EXOC4: variants seen among roughly 807,000 people sequenced by gnomAD.
The protein encoded by EXOC4 is SEC8-like 1.
EXOC4 carries 71 observed loss-of-function variants against 107.2 expected under a neutral mutation model. That is an observed-to-expected ratio of 0.66 (90% confidence interval 0.55 to 0.81). The LOEUF (loss-of-function observed/expected upper bound fraction) is 0.81, where lower values mean the gene tolerates loss of function less well. EXOC4 is among the 30% of genes least tolerant of loss of function. The pLI, the probability that EXOC4 is intolerant of heterozygous loss-of-function variation, is 0.00. For missense variants in EXOC4, 1,108 were observed against 1,189.6 expected, an observed-to-expected ratio of 0.93 and a Z score of 1.01; for synonymous variants, 456 against 441.2, an observed-to-expected ratio of 1.03 and a Z score of -0.42.
At chr7:133,637,975 G>T (rs993200579) in intron 10 of EXOC4, among the ~76,000 whole-genome samples, 1 of 152,036 alleles carries the variant, frequency 6.6e-6, no homozygotes, top group African/African-American at 2.4e-5. Context: ...AAGAGGTGAG[G>T]CATCCCAATC....
intron 1 of EXOC4, among the ~76,000 whole-genome samples, chr7:133,267,293 C>T (rs1200361690): frequency 6.6e-6 from 1 of 152,164 alleles, no homozygotes; most frequent in Non-Finnish European, 1.5e-5. Context: ...AAAGTTGGGC[C>T]TGGTCTGGCT....
chr7:133,755,289 C>CATATTATATATATTATATAT (rs1263941078), intron 10 of EXOC4, among the ~76,000 whole-genome samples: 2 of 91,874 alleles, frequency 2.2e-5, no homozygotes, highest in Non-Finnish European at 4.2e-5. Flanking sequence ...ATATTATATA[C>CATATTATATATATTATATAT]ATATTATATA....
At chr7:133,968,193 G>A (rs1014981044) in intron 14 of EXOC4, among the ~76,000 whole-genome samples, 2 of 151,898 alleles carry the variant, frequency 1.3e-5, no homozygotes, top group Non-Finnish European at 2.9e-5. Flanking sequence ...CCATTTGCTT[G>A]GTAAATATTC....
chr7:133,610,583 C>T lies in EXOC4; in HGVS notation c.1418-19462C>T, dbSNP rs528126027. 3.3e-5 allele frequency among the ~76,000 whole-genome samples: 5 copies of T among 152,054 alleles called. No individual in the cohort carries two copies. The East Asian group carries it at 9.7e-4, about 29-fold the overall frequency. ...ATACTAATCATATTCCTCCCCACAC[C>T]TCCATTTCTCTCACCTAAACATTCC... On this transcript the variant is annotated intron_variant, in intron 9 of 17. Transcript: ENST00000253861.
intron 7 of EXOC4, among the ~76,000 whole-genome samples, chr7:133,412,919 T>A (rs931625977): frequency 6.6e-6 from 1 of 152,122 alleles, no homozygotes; most frequent in Admixed American, 6.6e-5. Context: ...GGACTCTGTA[T>A]CTTTCTTAGA....
the EXOC4 span, among the ~76,000 whole-genome samples, chr7:134,094,113 A>G: frequency 8.5e-5 from 13 of 152,212 alleles, no homozygotes; most frequent in Non-Finnish European, 1.9e-4. Context: ...AAATCCATAC[A>G]AAGAATCAAC....
chr7:133,404,956 C>T (rs923583807), intron 7 of EXOC4, among the ~76,000 whole-genome samples: 62 of 144,166 alleles, frequency 4.3e-4, no homozygotes, highest in Admixed American at 2.2e-4. Flanking sequence ...CACCTGTAGT[C>T]CTAGCTGCTT....
intron 10 of EXOC4, among the ~76,000 whole-genome samples, chr7:133,786,173 C>G (rs1796565495): frequency 6.6e-6 from 1 of 152,176 alleles, no homozygotes; most frequent in Non-Finnish European, 1.5e-5. Context: ...CTCGTAGAAT[C>G]TAACCCTTTG....
downstream of EXOC4, among the ~76,000 whole-genome samples, chr7:134,069,222 C>CCTTCTTCTCCTTCTTCTT (rs1554442566): frequency 6.7e-6 from 1 of 149,566 alleles, no homozygotes; most frequent in Admixed American, 6.6e-5. Flanking sequence ...TTCTTCTTCT[C>CCTTCTTCTCCTTCTTCTT]CTTCTTCTTC....
intron 10 of EXOC4, among the ~76,000 whole-genome samples, chr7:133,689,489 T>A (rs866358702): frequency 2.0e-5 from 3 of 152,186 alleles, no homozygotes; most frequent in Non-Finnish European, 4.4e-5. Flanking sequence ...TATGGAAAAT[T>A]ACTAAGAAGA....
intron 17 of EXOC4, among the ~76,000 whole-genome samples, chr7:134,034,467 A>G (rs1029896974): frequency 5.5e-4 from 84 of 152,168 alleles, no homozygotes; most frequent in African/African-American, 1.8e-3. Context: ...CAAGGGAGAG[A>G]CCAGGTGGAG....
At chr7:133,721,454 A>G (rs1795103197) in intron 10 of EXOC4, among the ~76,000 whole-genome samples, 1 of 152,204 alleles carries the variant, frequency 6.6e-6, no homozygotes, top group Admixed American at 6.5e-5. Context: ...TTTGGAAGTC[A>G]AGGAGTCTCA....
At chr7:133,350,024 A>T (rs1584840972) in intron 5 of EXOC4, among the ~76,000 whole-genome samples, 1 of 152,064 alleles carries the variant, frequency 6.6e-6, no homozygotes, top group African/African-American at 2.4e-5. Flanking sequence ...CACATATTCA[A>T]GTTGACTTTT....
rs184739586 is a variant in EXOC4, at chr7:133,361,083, A to G, written c.1007+4510A>G. On this transcript the variant is annotated intron_variant, in intron 6 of 17. Coordinates refer to ENST00000253861, the MANE Select transcript of EXOC4 (RefSeq NM_021807.4). ...ATAAATATTTGTTGATTGCAAGAAT[A>G]AATTCCACATTTATGAAATATCTGC... is the stretch of plus-strand genomic sequence containing the variant. Among the ~76,000 whole-genome samples the G allele has an allele frequency of 2.6e-4, 39 of 152,314 alleles. 1 individual carries two copies. In the East Asian group the frequency reaches 7.5e-3, roughly 29 times the overall value.
chr7:133,440,801 A>G (rs1798086298), intron 7 of EXOC4, among the ~76,000 whole-genome samples: 1 of 152,220 alleles, frequency 6.6e-6, no homozygotes, highest in Admixed American at 6.5e-5. Context: ...TAAAAAGGGG[A>G]GAGATGAATA....
intron 7 of EXOC4, among the ~76,000 whole-genome samples, chr7:133,445,308 G>A (rs1029899014): frequency 2.0e-5 from 3 of 152,186 alleles, no homozygotes; most frequent in African/African-American, 7.2e-5. Flanking sequence ...CGTGTGTCAA[G>A]TGCTTTATAG....
intron 10 of EXOC4, among the ~76,000 whole-genome samples, chr7:133,814,217 A>G (rs1647520999): frequency 6.6e-6 from 1 of 152,152 alleles, no homozygotes; most frequent in East Asian, 1.9e-4. Context: ...GCTAAAATAA[A>G]CAAATGGGTA....
rs1798141084 is a variant in EXOC4 at position 133,847,007 on chromosome 7, A to G, written c.1734+29463A>G. Among the ~76,000 whole-genome samples the G allele has an allele frequency of 2.0e-5, 3 of 152,246 alleles. No individual in the cohort carries two copies. In the South Asian group the frequency reaches 6.2e-4, roughly 32 times the overall value. On this transcript the variant is annotated intron_variant, in intron 11 of 17. Transcript: ENST00000253861. Reference sequence around the variant, plus strand: ...AATTTTTAATTTTTGTTAACATTCTATAGACTTAAAAAAATTTTTATTTAA... The same window carrying G: ...AATTTTTAATTTTTGTTAACATTCTGTAGACTTAAAAAAATTTTTATTTAA...
At chr7:133,872,084 C>T (rs183111448) in intron 11 of EXOC4, among the ~76,000 whole-genome samples, 7 of 151,706 alleles carry the variant, frequency 4.6e-5, no homozygotes, top group Middle Eastern at 3.4e-3. Context: ...TGACAGTTCT[C>T]GGGAACTAGG....
Sources: allele counts gnomAD v4.1 joint callset (sites outside exome capture counted in the v4.1 genomes callset), GRCh38; gene constraint gnomAD v4.1.1; transcripts MANE v1.5; gene names NCBI Gene and HGNC (gene_info 2026-07-23, HGNC 2026-07-21).